The following C8orf34 variants were observed in gnomAD, a reference collection of about 807,000 sequenced individuals.
C8orf34 encodes chromosome 8 open reading frame 34.
C8orf34 carries 65 observed loss-of-function variants against 68.3 expected under a neutral mutation model. The observed-to-expected ratio is 0.95, with a 90% CI of 0.78 to 1.17. The LOEUF is 1.17. C8orf34 is among the 50% of genes most tolerant of loss of function. C8orf34 has a pLI of 0.00. For missense variants in C8orf34, 664 were observed against 655.4 expected, an observed-to-expected ratio of 1.01 and a Z score of -0.14; for synonymous variants, 244 against 241.2, an observed-to-expected ratio of 1.01 and a Z score of -0.11.
chr8:68,430,316 A>G (rs1260749322), intron 1 of C8orf34, among the ~76,000 whole-genome samples: 1 of 152,116 alleles, frequency 6.6e-6, no homozygotes, highest in Non-Finnish European at 1.5e-5. Flanking sequence ...TCCAGACTTC[A>G]CCCTATGTAT....
chr8:68,353,168 G>T (rs1806587404), intron 1 of C8orf34, among the ~76,000 whole-genome samples: 1 of 152,076 alleles, frequency 6.6e-6, no homozygotes, highest in South Asian at 2.1e-4. Context: ...CACCTGCTGA[G>T]CATGTGTGCT....
chr8:68,388,196 T>C (rs150708155), intron 1 of C8orf34, among the ~76,000 whole-genome samples: 6 of 152,322 alleles, frequency 3.9e-5, no homozygotes, highest in African/African-American at 1.2e-4. Flanking sequence ...CTGTTTTCCA[T>C]GGAAATATTC....
Position 68,331,069 on chromosome 8 carries a change from C to G in C8orf34, c.57C>G (p.Phe19Leu), listed in dbSNP as rs1218988871. 6.9e-5 allele frequency: 100 copies of G among 1,445,682 alleles called. No homozygotes were observed. Among genetic ancestry groups the G allele is most frequent in the Non-Finnish European group, 8.8e-5 (97 of 1,103,324 alleles). The allele number at this position is 1,445,682 out of a possible 1,614,324, so 89.6% of individuals were successfully genotyped here. A position where few individuals can be genotyped will look rare whatever the true frequency, so the allele number is the denominator to read the frequency against. The change falls in exon 1 of 14, where the codon TTC becomes TTG. Residue 19 changes from phenylalanine to leucine, a missense_variant. Transcript: ENST00000518698. ...AGTTGGCGGCGCTGCGCCCAGGCTTCCGGCTCTCAGCGCCCCACGCGCGCG... is the reference window on the plus strand; with the variant it reads ...AGTTGGCGGCGCTGCGCCCAGGCTTGCGGCTCTCAGCGCCCCACGCGCGCG... The part of the protein sequence containing the change: ...LSELAALRPG[F>L]RLSAPHARVA...
At chr8:68,340,600 G>C (rs779488204) in intron 1 of C8orf34, among the ~76,000 whole-genome samples, 6 of 152,096 alleles carry the variant, frequency 3.9e-5, no homozygotes, top group African/African-American at 7.2e-5. Context: ...CAAAGTCTTT[G>C]AAAATACAAA....
chr8:68,684,625 T>C (rs2130887612), intron 8 of C8orf34, among the ~76,000 whole-genome samples: 1 of 152,274 alleles, frequency 6.6e-6, no homozygotes, highest in South Asian at 2.1e-4. Flanking sequence ...TTATATATGA[T>C]TTCTGAGAAT....
At chr8:68,458,844 A>G (rs1811661734) in intron 3 of C8orf34, among the ~76,000 whole-genome samples, 1 of 152,258 alleles carries the variant, frequency 6.6e-6, no homozygotes, top group South Asian at 2.1e-4. Flanking sequence ...CCTTAAACCA[A>G]GAAGCTCAGA....
chr8:68,334,907 G>T (rs770511069), intron 1 of C8orf34, among the ~76,000 whole-genome samples: 4 of 152,066 alleles, frequency 2.6e-5, no homozygotes, highest in Admixed American at 1.3e-4. Flanking sequence ...CTCTTCTCTG[G>T]TACCCCACGG....
intron 10 of C8orf34, among the ~76,000 whole-genome samples, chr8:68,732,497 T>A (rs1822005730): frequency 6.6e-6 from 1 of 152,168 alleles, no homozygotes; most frequent in Non-Finnish European, 1.5e-5. Context: ...TTGTTGATAT[T>A]TATTATGTAT....
chr8:68,798,025 GA>G (rs1824227334), intron 12 of C8orf34, among the ~76,000 whole-genome samples: 1 of 152,042 alleles, frequency 6.6e-6, no homozygotes, highest in African/African-American at 2.4e-5. Context: ...AAGACAGCTA[GA>G]AAAATGAGCT....
intron 6 of C8orf34, among the ~76,000 whole-genome samples, chr8:68,531,591 TG>T (rs1372199598): frequency 1.3e-5 from 2 of 152,180 alleles, no homozygotes; most frequent in Non-Finnish European, 2.9e-5. Flanking sequence ...CCAGTATTAT[TG>T]GTGATGCTAA....
intron 1 of C8orf34, among the ~76,000 whole-genome samples, chr8:68,424,761 G>A (rs1478023537): frequency 5.3e-5 from 8 of 151,966 alleles, no homozygotes; most frequent in Admixed American, 1.3e-4. Flanking sequence ...TTAGCTGGGC[G>A]TGGTGGTGGG....
chr8:68,803,180 CAGAAG>C (rs1363209951), intron 12 of C8orf34, among the ~76,000 whole-genome samples: 1 of 151,986 alleles, frequency 6.6e-6, no homozygotes, highest in African/African-American at 2.4e-5. Flanking sequence ...CAATACATAA[CAGAAG>C]AATTATAAGA....
chr8:68,383,706 G>C (rs2676648), intron 1 of C8orf34, among the ~76,000 whole-genome samples: 24,220 of 152,064 alleles, frequency 0.16, 2,038 homozygotes, highest in South Asian at 0.18. Flanking sequence ...CTACATCCTC[G>C]ACTGCAGCCC....
At chr8:68,516,555 G>A (rs2129633766) in intron 5 of C8orf34, among the ~76,000 whole-genome samples, 1 of 152,282 alleles carries the variant, frequency 6.6e-6, no homozygotes, top group Middle Eastern at 3.4e-3. Context: ...GGATAGGTGA[G>A]CTTCTTGCTG....
intron 7 of C8orf34, among the ~76,000 whole-genome samples, chr8:68,639,414 A>T: frequency 6.6e-6 from 1 of 151,926 alleles, no homozygotes; most frequent in Non-Finnish European, 1.5e-5. Context: ...CCCAGGAACA[A>T]TTTATTTGAC....
chr8:68,792,600 A>C (rs1042714701), intron 12 of C8orf34: 6 of 143,858 alleles, frequency 4.2e-5, no homozygotes, highest in African/African-American at 1.6e-4. Flanking sequence ...AAAAAAAAAA[A>C]AGATATTTAA....
At chr8:68,454,831 A>G (rs1215789898) in intron 3 of C8orf34, among the ~76,000 whole-genome samples, 1 of 151,998 alleles carries the variant, frequency 6.6e-6, no homozygotes, top group Non-Finnish European at 1.5e-5. Context: ...CTTAAGGTGT[A>G]AAGTTAGATT....
chr8:68,361,801 A>C (rs1290316719), intron 1 of C8orf34, among the ~76,000 whole-genome samples: 2 of 151,794 alleles, frequency 1.3e-5, no homozygotes, highest in Non-Finnish European at 3.0e-5. Flanking sequence ...GAATAAAGGC[A>C]TACAAAATAG....
intron 7 of C8orf34, among the ~76,000 whole-genome samples, chr8:68,616,385 G>A (rs1233246701): frequency 2.0e-5 from 3 of 152,190 alleles, no homozygotes; most frequent in African/African-American, 2.4e-5. Flanking sequence ...TGATGTTAGG[G>A]TGTCAATTTT....
Sources: gnomAD v4.1 joint callset for allele counts (sites outside exome capture counted in the v4.1 genomes callset) on GRCh38, gnomAD v4.1.1 for gene constraint, MANE v1.5 for transcripts, NCBI Gene and HGNC (gene_info 2026-07-23, HGNC 2026-07-21) for gene names.